Variants in NR3C1 observed in about 807,000 individuals in gnomAD.
The protein encoded by NR3C1 is glucocorticoid receptor.
In NR3C1, 14 loss-of-function variants were observed where a neutral mutation model predicts 74.0. The ratio of observed to expected loss-of-function variants is 0.19; its 90% confidence interval spans 0.12 to 0.30. The LOEUF is 0.30. Ranked by LOEUF, NR3C1 falls within the 10% of genes least tolerant of loss-of-function variation. The pLI is 1.00. For missense variants in NR3C1, 695 were observed against 909.8 expected (o/e 0.76, Z 3.04); for synonymous variants, 308 against 332.5 (o/e 0.93, Z 0.80).
intron 2 of NR3C1, among the ~76,000 whole-genome samples, chr5:143,328,182 C>T (rs1825064881): frequency 6.6e-6 from 1 of 152,252 alleles, no homozygotes; most frequent in South Asian, 2.1e-4. Flanking sequence ...AAGCTTGGGG[C>T]TTGCACCCTC....
At chr5:143,338,912 G>A (rs1827689399) in intron 2 of NR3C1, among the ~76,000 whole-genome samples, 1 of 152,094 alleles carries the variant, frequency 6.6e-6, no homozygotes, top group Non-Finnish European at 1.5e-5. Context: ...CTATACAGGT[G>A]TACTATTTTT....
At chr5:143,411,904 C>T (rs145279535) in intron 1 of NR3C1, among the ~76,000 whole-genome samples, 162 of 151,940 alleles carry the variant, frequency 1.1e-3, no homozygotes, top group Non-Finnish European at 1.8e-3. Flanking sequence ...CACATTGGCC[C>T]AAGGAAAGAT....
intron 6 of NR3C1, among the ~76,000 whole-genome samples, chr5:143,297,168 T>A (rs1284041405): frequency 2.6e-5 from 4 of 151,156 alleles, no homozygotes; most frequent in Non-Finnish European, 4.4e-5. Flanking sequence ...GAAGTACATA[T>A]CCCTTAATGA....
At chr5:143,312,274 T>A (rs144535747) in intron 3 of NR3C1, among the ~76,000 whole-genome samples, 1 of 152,276 alleles carries the variant, frequency 6.6e-6, no homozygotes, top group Non-Finnish European at 1.5e-5. Flanking sequence ...TTGGTCTGTG[T>A]GGCCAATAAA....
At chr5:143,407,994 TAAAA>T (rs1291618048), upstream of NR3C1, among the ~76,000 whole-genome samples, 1 of 152,228 alleles carries the variant, frequency 6.6e-6, no homozygotes, top group African/African-American at 2.4e-5. Flanking sequence ...AAAAATTAGT[TAAAA>T]GAAGGAAATA....
chr5:143,405,993 C>G (rs1841085829), upstream of NR3C1, among the ~76,000 whole-genome samples: 1 of 152,036 alleles, frequency 6.6e-6, no homozygotes, highest in Non-Finnish European at 1.5e-5. Context: ...AAGACCCAAC[C>G]CTACAATAAT....
exon 1 of NR3C1, chr5:143,434,671 C>A (rs1442389258): frequency 1.9e-5 from 19 of 985,288 alleles, no homozygotes; most frequent in Non-Finnish European, 2.2e-5. Context: ...TCCCCATTCT[C>A]GCACAGAGAA....
Position 143,280,046 on chromosome 5 carries a change from C to T in NR3C1, c.*1843G>A, listed in dbSNP as rs1003445602. On this transcript the variant is annotated 3_prime_UTR_variant, in exon 9 of 9. Transcript: ENST00000394464. The stretch of plus-strand genomic sequence containing the variant: ...CTCACTGGGTCAGAGCCTCAGCAAC[C>T]TTCACTGCACACAGGACCAGTCTCC... The T allele has an allele frequency of 6.6e-6, 1 of 152,562 alleles. No homozygotes were observed. The highest frequency in any genetic ancestry group is 2.4e-5 in the African/African-American group (1 of 41,440). 9.5% of individuals were successfully genotyped at this position (152,562 alleles called of 1,614,324 possible).
intron 2 of NR3C1, among the ~76,000 whole-genome samples, chr5:143,381,675 C>A (rs1237387210): frequency 1.3e-5 from 2 of 152,100 alleles, no homozygotes; most frequent in Non-Finnish European, 2.9e-5. Context: ...AGAACATACA[C>A]TAGGGAAAGG....
At chr5:143,373,236 ACT>A (rs1053190525) in intron 2 of NR3C1, among the ~76,000 whole-genome samples, 5 of 152,110 alleles carry the variant, frequency 3.3e-5, no homozygotes, top group Non-Finnish European at 7.3e-5. Context: ...GGAAAAAAAA[ACT>A]CTTATAAATG....
chr5:143,427,555 GA>G (rs1417112819), intron 1 of NR3C1, among the ~76,000 whole-genome samples: 1 of 152,140 alleles, frequency 6.6e-6, no homozygotes, highest in Non-Finnish European at 1.5e-5. Flanking sequence ...ATCCTAGTGG[GA>G]AGGCCGTAGC....
At chr5:143,406,264 C>G (rs1272948405), upstream of NR3C1, among the ~76,000 whole-genome samples, 1 of 151,944 alleles carries the variant, frequency 6.6e-6, no homozygotes, top group Non-Finnish European at 1.5e-5. Flanking sequence ...ATGCTCAAAT[C>G]CTTAGTGGTA....
chr5:143,413,005 G>T (rs547246455), intron 1 of NR3C1, among the ~76,000 whole-genome samples: 14 of 152,054 alleles, frequency 9.2e-5, no homozygotes, highest in Admixed American at 7.2e-4. Flanking sequence ...TTCAACAAAA[G>T]AGAATTCCTT....
chr5:143,300,628 A>G lies in NR3C1; in HGVS notation c.1604T>C (p.Leu535Pro). The change falls in exon 5 of 9, where the codon CTG becomes CCG. Residue 535 changes from leucine to proline, a missense_variant. By Grantham distance (98) the Leu-to-Pro change is moderately conservative. Around this residue, in one of 4 missense-constraint regions of NR3C1, gnomAD observed 133 missense variants for 287.9 expected, o/e 0.46. Transcript: ENST00000394464. This position sits in a 1 kb window ranked among gnomAD's most constrained non-coding sequence, Gnocchi z 5.2. ...CACTTCAGGTTCAATAACCTCCAAC[A>G]GTGACACCAGGGTAGGGGTGAGTTG... ...LPQLTPTLVS[L>P]LEVIEPEVLY... 6.2e-7 allele frequency: 1 copy of G among 1,614,224 alleles called. No individual in the cohort carries two copies. Among genetic ancestry groups the G allele is most frequent in the Non-Finnish European group, 8.5e-7 (1 of 1,180,020 alleles).
At chr5:143,361,564 T>A (rs1479691822) in intron 2 of NR3C1, among the ~76,000 whole-genome samples, 3 of 152,220 alleles carry the variant, frequency 2.0e-5, no homozygotes, top group Admixed American at 2.0e-4. Flanking sequence ...TAACCCCTGA[T>A]AGTTCTTCTG....
At chr5:143,431,548 C>A (rs150257208) in intron 1 of NR3C1, among the ~76,000 whole-genome samples, 319 of 152,020 alleles carry the variant, frequency 2.1e-3, no homozygotes, top group South Asian at 9.1e-3. Flanking sequence ...CTAATGCATG[C>A]GAGGCTTAAA....
intron 2 of NR3C1, among the ~76,000 whole-genome samples, chr5:143,318,618 T>C (rs1265503969): frequency 6.6e-6 from 1 of 152,188 alleles, no homozygotes; most frequent in East Asian, 1.9e-4. Context: ...CAACAAATAC[T>C]TTAAGTTGTT....
intron 1 of NR3C1, among the ~76,000 whole-genome samples, chr5:143,420,150 T>G (rs1013089399): frequency 4.6e-5 from 7 of 152,184 alleles, no homozygotes; most frequent in African/African-American, 1.7e-4. Context: ...TTTTTCAAGG[T>G]GCCCAGATTT....
chr5:143,425,539 A>G (rs1751484228), intron 1 of NR3C1, among the ~76,000 whole-genome samples: 1 of 152,222 alleles, frequency 6.6e-6, no homozygotes. Context: ...CAATAAAAAG[A>G]CAACCAACAT....
Sources: allele counts gnomAD v4.1 joint callset (sites outside exome capture counted in the v4.1 genomes callset), GRCh38; gene constraint gnomAD v4.1.1; regional missense constraint gnomAD v4.1.1; non-coding constraint Gnocchi (gnomAD v3.1); transcripts MANE v1.5; gene names NCBI Gene and HGNC (gene_info 2026-07-23, HGNC 2026-07-21).